The following PRUNE2 variants were observed in gnomAD, a reference collection of about 807,000 sequenced individuals.
The protein encoded by PRUNE2 is prune homolog 2 with BCH domain, also known as protein prune homolog 2.
In PRUNE2, 164 loss-of-function variants were observed where a neutral mutation model predicts 252.0. The ratio of observed to expected loss-of-function variants is 0.65; its 90% CI spans 0.57 to 0.74. The LOEUF is 0.74. PRUNE2 is among the 30% of genes least tolerant of loss of function. PRUNE2 has a pLI of 0.00. For synonymous variants in PRUNE2, 1,292 were observed against 1,350.2 expected (o/e 0.96, Z 0.94); for missense variants, 3,495 against 3,711.0 (o/e 0.94, Z 1.51).
intron 6 of PRUNE2, chr9:76,785,141 T>G (rs1001066550): frequency 1.3e-5 from 2 of 152,372 alleles, no homozygotes; most frequent in South Asian, 4.2e-4. Context: ...ACCCCTCCCA[T>G]GCACCTAAAC....
At chr9:76,668,449 T>C (rs2040633855) in intron 9 of PRUNE2, among the ~76,000 whole-genome samples, 1 of 152,238 alleles carries the variant, frequency 6.6e-6, no homozygotes, top group Non-Finnish European at 1.5e-5. Flanking sequence ...CTAAAAATTC[T>C]ATCTCCTTCA....
intron 4 of PRUNE2, among the ~76,000 whole-genome samples, chr9:76,837,056 T>C (rs959792099): frequency 3.3e-5 from 5 of 152,192 alleles, no homozygotes; most frequent in African/African-American, 7.2e-5. Context: ...TAAATATGTA[T>C]TTTTTAGATT....
chr9:76,824,657 C>T (rs894806551), intron 5 of PRUNE2, among the ~76,000 whole-genome samples: 2 of 152,108 alleles, frequency 1.3e-5, no homozygotes, highest in African/African-American at 2.4e-5. Context: ...TACATTATTA[C>T]GTCTGATTAG....
At chr9:76,737,362 G>T (rs1028778973) in intron 6 of PRUNE2, 1 of 152,216 alleles carries the variant, frequency 6.6e-6, no homozygotes, top group Non-Finnish European at 1.5e-5. Context: ...CGACTGTTCT[G>T]CTAACATCAG....
At chr9:76,823,497 A>G in intron 6 of PRUNE2, 135 bp downstream of exon 6, 3 of 656,148 alleles carry the variant, frequency 4.6e-6, no homozygotes, top group Non-Finnish European at 8.3e-6. Context: ...ACCTGCCACT[A>G]TATTCCAAGT....
intron 9 of PRUNE2, among the ~76,000 whole-genome samples, chr9:76,667,497 C>T (rs1189559438): frequency 6.6e-6 from 1 of 152,028 alleles, no homozygotes; most frequent in East Asian, 1.9e-4. Context: ...CCTGCCTGCC[C>T]CACCCTCCTG....
In PRUNE2 at chr9:76,708,292, TCTCA is replaced by T. The variant is rs771783291; in HGVS notation, c.3978_3981del (p.Ser1326ArgfsTer18). The T allele has an allele frequency of 1.2e-6, 2 of 1,613,772 alleles. No homozygotes were observed. The highest frequency in any genetic ancestry group is 1.1e-5 in the South Asian group (1 of 91,076). On this transcript the variant is annotated frameshift_variant, in exon 8 of 19. Transcript: ENST00000376718. LOFTEE classifies it high-confidence loss of function. Reference sequence around the variant, plus strand: ...CTGTCAGTGGCTCCCTGGGCTTCCTTCTCACTTTCACTTTGTCCATCGCCATGAC... The same window carrying T: ...CTGTCAGTGGCTCCCTGGGCTTCCTTCTTTCACTTTGTCCATCGCCATGAC...
chr9:76,846,450 C>T, intron 4 of PRUNE2, 65 bp downstream of exon 4: 3 of 1,393,622 alleles, frequency 2.2e-6, no homozygotes, highest in South Asian at 2.8e-5. Flanking sequence ...ATTCTTTCTA[C>T]ATGAGCAGGC....
In PRUNE2 at chr9:76,708,156, T is replaced by A; in HGVS notation, c.4118A>T (p.His1373Leu). The change falls in exon 8 of 19, where the codon CAT (histidine) becomes CTT (leucine). Residue 1373 changes from histidine (H) to leucine (L), a missense_variant. Physicochemically the swap from His to Leu is moderately conservative, Grantham distance 99. Coordinates refer to ENST00000376718, the MANE Select transcript of PRUNE2 (RefSeq NM_015225.3). ...GCCTGATTTAATGCAGATTTCCTGA[T>A]GTTCAGATGCAACCAGAGAAGACAG... ...QELSSLVASE[H>L]QEICIKSGKI... The A allele has an allele frequency of 6.2e-7, 1 of 1,614,042 alleles. No individual in the cohort carries two copies. The highest frequency in any genetic ancestry group is 8.5e-7 in the Non-Finnish European group (1 of 1,179,904).
intron 6 of PRUNE2, among the ~76,000 whole-genome samples, chr9:76,715,538 T>C (rs1450804138): frequency 1.3e-5 from 2 of 152,224 alleles, no homozygotes; most frequent in African/African-American, 2.4e-5. Context: ...CTCATGCTGA[T>C]GAACATCAAG....
intron 4 of PRUNE2, among the ~76,000 whole-genome samples, chr9:76,834,333 A>G (rs2058838170): frequency 6.6e-6 from 1 of 152,178 alleles, no homozygotes; most frequent in Non-Finnish European, 1.5e-5. Flanking sequence ...TTATGTGTGC[A>G]AAAAAAGCTC....
intron 1 of PRUNE2, among the ~76,000 whole-genome samples, chr9:76,874,502 T>C (rs1322180910): frequency 6.6e-6 from 1 of 152,210 alleles, no homozygotes; most frequent in Non-Finnish European, 1.5e-5. Flanking sequence ...GATGGAGCTT[T>C]ACTAAGTTGT....
intron 1 of PRUNE2, among the ~76,000 whole-genome samples, chr9:76,883,991 T>C (rs1052238375): frequency 1.3e-5 from 2 of 152,232 alleles, no homozygotes; most frequent in African/African-American, 4.8e-5. Flanking sequence ...GTAGCAATTA[T>C]CACTGAGAGT....
At chr9:76,702,187 G>A (rs551298898) in intron 9 of PRUNE2, among the ~76,000 whole-genome samples, 1 of 151,870 alleles carries the variant, frequency 6.6e-6, no homozygotes, top group African/African-American at 2.4e-5. Flanking sequence ...AGCCTCCCAA[G>A]TAGCTGGGAT....
At chr9:76,669,502 TA>T (rs1382575892) in intron 9 of PRUNE2, among the ~76,000 whole-genome samples, 2 of 152,106 alleles carry the variant, frequency 1.3e-5, no homozygotes, top group Non-Finnish European at 2.9e-5. Context: ...GTATTTTTAG[TA>T]GAGACAAGTT....
At chr9:76,625,115 G>T in intron 16 of PRUNE2, 1 of 1,173,598 alleles carries the variant, frequency 8.5e-7, no homozygotes. Context: ...TGGGAAAAAT[G>T]ACAAGTAAAT....
intron 9 of PRUNE2, among the ~76,000 whole-genome samples, chr9:76,658,997 T>A (rs1025175491): frequency 6.6e-6 from 1 of 152,096 alleles, no homozygotes; most frequent in Non-Finnish European, 1.5e-5. Context: ...AAGGGAGAGA[T>A]GTCGCTTCTG....
At position 76,780,457 on chromosome 9, in the gene PRUNE2, G is replaced by T. The variant is rs2131181491; in HGVS notation, c.756+43175C>A. 2.0e-5 allele frequency among the ~76,000 whole-genome samples: 3 copies of T among 152,240 alleles called. 1 individual carries two copies. The South Asian group carries it at 6.2e-4, about 32-fold the overall frequency. Reference sequence around the variant, plus strand: ...AATCCCAGCACTTTGGGAGGCCGAGGCGGGCGGATCACGAGGCCAGGAGAT... The same window carrying T: ...AATCCCAGCACTTTGGGAGGCCGAGTCGGGCGGATCACGAGGCCAGGAGAT... On this transcript the variant is annotated intron_variant, in intron 6 of 18. Coordinates refer to ENST00000376718, the MANE Select transcript of PRUNE2 (RefSeq NM_015225.3).
intron 15 of PRUNE2, among the ~76,000 whole-genome samples, chr9:76,629,542 T>G (rs1325651496): frequency 1.3e-5 from 2 of 152,170 alleles, no homozygotes; most frequent in African/African-American, 4.8e-5. Flanking sequence ...TGTTCTGAAA[T>G]ATGTATACGT....
Sources: gnomAD v4.1 joint callset for allele counts (sites outside exome capture counted in the v4.1 genomes callset) on GRCh38, gnomAD v4.1.1 for gene constraint, MANE v1.5 for transcripts, NCBI Gene and HGNC (gene_info 2026-07-23, HGNC 2026-07-21) for gene names.